The following ARHGEF17 variants were observed in gnomAD, a reference collection of about 807,000 sequenced individuals.
ARHGEF17 encodes 164 kDa Rho-specific guanine-nucleotide exchange factor.
A neutral mutation model predicts 174.0 loss-of-function variants in ARHGEF17; 80 were observed. That is an observed-to-expected ratio of 0.46 (90% CI 0.38 to 0.55). The LOEUF (loss-of-function observed/expected upper bound fraction) is 0.55, where lower values mean the gene tolerates loss of function less well. Among genes scored for constraint, ARHGEF17 ranks in the 20% least tolerant of loss-of-function variants. The pLI, the probability that ARHGEF17 is intolerant of heterozygous loss-of-function variation, is 0.00. For synonymous variants in ARHGEF17, 1,311 were observed against 1,189.1 expected (o/e 1.10, Z -2.11); for missense variants, 2,886 against 2,839.7 (o/e 1.02, Z -0.37).
At position 73,308,601 on chromosome 11, in the gene ARHGEF17, T is replaced by C; in HGVS notation, c.-38T>C. ...GGGCGCAGGGGGGGTTGGCCGCGGCTGCCCGAGGCCAGCCCCCCCGGAGTG... is the reference window on the plus strand; with the variant it reads ...GGGCGCAGGGGGGGTTGGCCGCGGCCGCCCGAGGCCAGCCCCCCCGGAGTG... On this transcript the variant is annotated 5_prime_UTR_variant, in exon 1 of 21. Transcript: ENST00000263674. 7.1e-7 allele frequency: 1 copy of C among 1,400,870 alleles called. No homozygotes were observed. The highest frequency in any genetic ancestry group is 9.2e-7 in the Non-Finnish European group (1 of 1,081,754). The allele number at this position is 1,400,870 out of a possible 1,614,324, so 86.8% of individuals were successfully genotyped here. A position where few individuals can be genotyped will look rare whatever the true frequency, so the allele number is the denominator to read the frequency against.
intron 9 of ARHGEF17, among the ~76,000 whole-genome samples, chr11:73,358,002 T>G (rs1865674310): frequency 6.6e-6 from 1 of 152,188 alleles, no homozygotes; most frequent in Non-Finnish European, 1.5e-5. Flanking sequence ...CTGCCCACTA[T>G]GTAGGAATAC....
intron 1 of ARHGEF17, among the ~76,000 whole-genome samples, chr11:73,340,477 G>A (rs1865351908): frequency 6.6e-6 from 1 of 152,154 alleles, no homozygotes; most frequent in South Asian, 2.1e-4. Context: ...TGAGCCCTAT[G>A]AGAAAAAGCC....
chr11:73,334,856 TG>T (rs1191879559), intron 1 of ARHGEF17, among the ~76,000 whole-genome samples: 1 of 152,092 alleles, frequency 6.6e-6, no homozygotes, highest in East Asian at 1.9e-4. Flanking sequence ...CCCTGCAGGC[TG>T]GGGAACTGGG....
intron 1 of ARHGEF17, among the ~76,000 whole-genome samples, chr11:73,344,075 C>T (rs985246870): frequency 1.3e-5 from 2 of 152,202 alleles, no homozygotes; most frequent in East Asian, 1.9e-4. Flanking sequence ...TGTCTTCCTG[C>T]TGTATCCCCC....
chr11:73,364,750 T>A, intron 18 of ARHGEF17, 150 bp downstream of exon 18: 1 of 963,600 alleles, frequency 1.0e-6, no homozygotes, highest in Non-Finnish European at 1.5e-6. Context: ...CCAGTCCCTG[T>A]CCTCCTTCGA....
chr11:73,310,789 T>C lies in ARHGEF17; in HGVS notation c.2151T>C (p.Ser717=). 6.2e-7 allele frequency: 1 copy of C among 1,612,310 alleles called. No individual in the cohort carries two copies. Among genetic ancestry groups the C allele is most frequent in the South Asian group, 1.1e-5 (1 of 91,050 alleles). ...RRRRKVPPSG[S]GGSELSNGEA... Reference sequence around the variant, plus strand: ...GACGCAAAGTCCCACCTTCAGGTTCTGGTGGGAGCGAATTGAGCAATGGGG... The same window carrying C: ...GACGCAAAGTCCCACCTTCAGGTTCCGGTGGGAGCGAATTGAGCAATGGGG... Residue 717 remains serine, a synonymous_variant, in exon 1 of 21, where the codon TCT becomes TCC. Coordinates refer to ENST00000263674, the MANE Select transcript of ARHGEF17 (RefSeq NM_014786.4).
intron 1 of ARHGEF17, among the ~76,000 whole-genome samples, chr11:73,339,300 A>G (rs878887342): frequency 3.9e-5 from 6 of 152,380 alleles, no homozygotes; most frequent in Admixed American, 3.9e-4. Context: ...CAACTAATGA[A>G]TAAAATAAAA....
chr11:73,337,610 A>G (rs1454087266), intron 1 of ARHGEF17, among the ~76,000 whole-genome samples: 1 of 151,986 alleles, frequency 6.6e-6, no homozygotes, highest in Non-Finnish European at 1.5e-5. Context: ...TGTAGAGATG[A>G]GGTCTCCCTG....
intron 1 of ARHGEF17, among the ~76,000 whole-genome samples, chr11:73,339,213 CCT>C (rs1865330671): frequency 6.6e-6 from 1 of 152,004 alleles, no homozygotes; most frequent in African/African-American, 2.4e-5. Flanking sequence ...AGGGCACAGA[CCT>C]CTTTCCTTAC....
At position 73,361,119 on chromosome 11, in the gene ARHGEF17, C is replaced by T. The variant is rs1565208768; in HGVS notation, c.4452C>T (p.Phe1484=). 1 of 1,614,124 alleles carries T rather than the reference C, an allele frequency of 6.2e-7. No homozygotes were observed. The highest frequency in any genetic ancestry group is 1.3e-5 in the African/African-American group (1 of 75,040). The change falls in exon 12 of 21, where the codon TTC becomes TTT. Residue 1484 remains phenylalanine, a synonymous_variant. Transcript: ENST00000263674. ...ASSKSCLDPE[F]LKAIPIMKTR... ...GCAAAAGCTGTCTAGACCCTGAGTT[C>T]CTGAAGGCCATCCCCATCATGAAAA... is the stretch of plus-strand genomic sequence containing the variant.
Position 73,365,308 on chromosome 11 carries a change from G to A in ARHGEF17, c.5551-82G>A. 1.3e-6 allele frequency: 2 copies of A among 1,510,340 alleles called. No homozygotes were observed. The highest frequency in any genetic ancestry group is 2.3e-5 in the East Asian group (1 of 43,548). The allele number at this position is 1,510,340 out of a possible 1,614,324, so 93.6% of individuals were successfully genotyped here. On this transcript the variant is annotated intron_variant, in intron 18 of 20. Transcript: ENST00000263674. This position sits in a 1 kb window ranked among gnomAD's most constrained non-coding sequence, Gnocchi z 4.9. ...AACGCTAGTGTGAGTTGTGAGGGATGGACACTGGTGAAGCTCCAGGCTAGG... is the reference window on the plus strand; with the variant it reads ...AACGCTAGTGTGAGTTGTGAGGGATAGACACTGGTGAAGCTCCAGGCTAGG...
At chr11:73,330,191 G>T (rs1865183335) in intron 1 of ARHGEF17, among the ~76,000 whole-genome samples, 1 of 152,214 alleles carries the variant, frequency 6.6e-6, no homozygotes, top group South Asian at 2.1e-4. Context: ...CATATGAGTT[G>T]CAAATATTTT....
intron 12 of ARHGEF17, 129 bp from the exon 13 acceptor site, chr11:73,361,911 A>T: frequency 9.6e-7 from 1 of 1,037,558 alleles, no homozygotes; most frequent in Non-Finnish European, 1.4e-6. Flanking sequence ...AGAAGGGTGT[A>T]TAGGGCATCC....
chr11:73,330,599 C>A (rs550459640), intron 1 of ARHGEF17, among the ~76,000 whole-genome samples: 3 of 152,096 alleles, frequency 2.0e-5, no homozygotes, highest in African/African-American at 7.3e-5. Context: ...GAGGGATGAA[C>A]AGAAGGGCCT....
intron 1 of ARHGEF17, among the ~76,000 whole-genome samples, chr11:73,335,830 C>T (rs1865278414): frequency 6.6e-6 from 1 of 152,238 alleles, no homozygotes; most frequent in African/African-American, 2.4e-5. Context: ...TACACCTTCC[C>T]TTCTCCCCCA....
Position 73,361,103 on chromosome 11 carries a change from G to T in ARHGEF17, c.4436G>T (p.Cys1479Phe), listed in dbSNP as rs770419392. Residue 1479 changes from cysteine to phenylalanine, a missense_variant, in exon 12 of 21, where the codon TGT becomes TTT. By Grantham distance (205) the Cys-to-Phe change is radical. Coordinates refer to ENST00000263674, the MANE Select transcript of ARHGEF17 (RefSeq NM_014786.4). ...TCCACTACAGCATCCAGCAAAAGCTGTCTAGACCCTGAGTTCCTGAAGGCC... is the reference window on the plus strand; with the variant it reads ...TCCACTACAGCATCCAGCAAAAGCTTTCTAGACCCTGAGTTCCTGAAGGCC... ...AKRKLASSKS[C>F]LDPEFLKAIP... 1.7e-5 allele frequency: 27 copies of T among 1,613,958 alleles called. No homozygotes were observed. The South Asian group carries it at 2.7e-4, about 16-fold the overall frequency.
intron 2 of ARHGEF17, among the ~76,000 whole-genome samples, chr11:73,351,119 C>T (rs1054376082): frequency 1.3e-5 from 2 of 152,200 alleles, no homozygotes; most frequent in Admixed American, 6.5e-5. Flanking sequence ...CCTGACCCAG[C>T]CCAGGAGCTG....
Position 73,355,890 on chromosome 11 carries a change from G to C in ARHGEF17, c.3600G>C (p.Gln1200His). 6.2e-7 allele frequency: 1 copy of C among 1,614,202 alleles called. No individual in the cohort carries two copies. The highest frequency in any genetic ancestry group is 8.5e-7 in the Non-Finnish European group (1 of 1,180,044). ...EQSMRENKEKQALSDLMIKPV... is the reference protein window; with the variant it reads ...EQSMRENKEKHALSDLMIKPV... Reference sequence around the variant, plus strand: ...GCATGCGTGAGAACAAGGAGAAGCAGGCGCTGTCTGACCTCATGATCAAGC... The same window carrying C: ...GCATGCGTGAGAACAAGGAGAAGCACGCGCTGTCTGACCTCATGATCAAGC... Residue 1200 changes from glutamine to histidine, a missense_variant, in exon 5 of 21, where the codon CAG (glutamine) becomes CAC (histidine). By Grantham distance (24) the Gln-to-His change is conservative. Around this residue, in one of 4 missense-constraint regions of ARHGEF17, gnomAD observed 353 missense variants for 470.3 expected, o/e 0.75. Transcript: ENST00000263674.
At chr11:73,339,788 C>T (rs569995100) in intron 1 of ARHGEF17, among the ~76,000 whole-genome samples, 40 of 152,258 alleles carry the variant, frequency 2.6e-4, no homozygotes, top group African/African-American at 9.1e-4. Flanking sequence ...TAGAGCAGAG[C>T]CCTTTTTCCC....
Sources: allele counts gnomAD v4.1 joint callset (sites outside exome capture counted in the v4.1 genomes callset), GRCh38; gene constraint gnomAD v4.1.1; regional missense constraint gnomAD v4.1.1; non-coding constraint Gnocchi (gnomAD v3.1); transcripts MANE v1.5; gene names NCBI Gene and HGNC (gene_info 2026-07-23, HGNC 2026-07-21).